Variants in FNBP1 observed in about 807,000 individuals in gnomAD.
FNBP1 encodes formin binding protein 1, also known as formin-binding protein 1.
FNBP1 carries 26 observed loss-of-function variants against 90.6 expected under a neutral mutation model. The observed-to-expected ratio is 0.29, with a 90% CI of 0.21 to 0.40. The LOEUF (loss-of-function observed/expected upper bound fraction) is 0.40, where lower values mean the gene tolerates loss of function less well. FNBP1 is among the 10% of genes least tolerant of loss of function. The pLI is 1.00. For missense variants in FNBP1, 635 were observed against 768.0 expected, an observed-to-expected ratio of 0.83 and a Z score of 2.05; for synonymous variants, 260 against 265.2, an observed-to-expected ratio of 0.98 and a Z score of 0.19.
chr9:129,939,203 A>G (rs1056553175), intron 6 of FNBP1, among the ~76,000 whole-genome samples: 1 of 152,068 alleles, frequency 6.6e-6, no homozygotes, highest in Admixed American at 6.6e-5. Context: ...AGCCTGACCA[A>G]TATGATGAAA....
intron 10 of FNBP1, chr9:129,919,079 G>C (rs2040707524): frequency 4.2e-6 from 2 of 472,860 alleles, no homozygotes; most frequent in African/African-American, 4.0e-5. Flanking sequence ...AAGTGCCTCT[G>C]GGTCCCCAGT....
At chr9:129,935,645 G>A (rs754611205) in intron 6 of FNBP1, among the ~76,000 whole-genome samples, 7 of 152,118 alleles carry the variant, frequency 4.6e-5, no homozygotes, top group Non-Finnish European at 1.0e-4. Context: ...CTACCACCAT[G>A]CCCAGCTAAT....
rs544636539 is a variant in FNBP1, at chr9:129,895,896, A to T, written c.1788T>A (p.Asp596Glu). The change falls in exon 16 of 17, where the codon GAT becomes GAA. Residue 596 changes from aspartate (D) to glutamate (E), a missense_variant. Transcript: ENST00000446176. ...DGWTRIRRNE[D>E]EEGYVPTSYV... ...ATGAAGTGGGGACATAACCCTCTTC[A>T]TCTTCATTTCTCCGAATGCGGGTCC... 3.1e-5 allele frequency: 50 copies of T among 1,613,704 alleles called. No individual in the cohort carries two copies. The African/African-American group carries it at 5.5e-4, about 18-fold the overall frequency.
At chr9:129,947,567 C>A (rs2045515819) in intron 6 of FNBP1, among the ~76,000 whole-genome samples, 1 of 151,840 alleles carries the variant, frequency 6.6e-6, no homozygotes, top group African/African-American at 2.4e-5. Flanking sequence ...GAACAACGGG[C>A]AAGGGAATGA....
chr9:129,935,040 C>A (rs575167297), intron 6 of FNBP1, among the ~76,000 whole-genome samples: 1 of 151,366 alleles, frequency 6.6e-6, no homozygotes, highest in East Asian at 1.9e-4. Flanking sequence ...GGTTTAAAGA[C>A]AAAAATACCG....
At chr9:129,986,905 A>T (rs2052368245) in intron 2 of FNBP1, among the ~76,000 whole-genome samples, 1 of 152,112 alleles carries the variant, frequency 6.6e-6, no homozygotes, top group Non-Finnish European at 1.5e-5. Flanking sequence ...ACATTCAGAC[A>T]TAATCAAAGA....
Position 129,957,419 on chromosome 9 carries a change from G to T in FNBP1, c.454C>A (p.Gln152Lys), listed in dbSNP as rs2047120890. Reference protein sequence around the residue: ...ERDCKEADRAQQYFEKMDADI... With the variant: ...ERDCKEADRAKQYFEKMDADI... ...GCGTCCATTTTCTCAAAGTACTGCTGCGCCCTGTCCGCCTCTTTGCAATCG... is the reference window on the plus strand; with the variant it reads ...GCGTCCATTTTCTCAAAGTACTGCTTCGCCCTGTCCGCCTCTTTGCAATCG... The change falls in exon 6 of 17, where the codon CAG (glutamine) becomes AAG (lysine). Residue 152 changes from glutamine (Q) to lysine (K), a missense_variant. Physicochemically the swap from Gln to Lys is moderately conservative, Grantham distance 53. Coordinates refer to ENST00000446176, the MANE Select transcript of FNBP1 (RefSeq NM_015033.3). The surrounding 1 kb of genome is among the most constrained non-coding windows in gnomAD (Gnocchi z 4.3). The T allele has an allele frequency of 6.2e-7, 1 of 1,613,702 alleles. No individual in the cohort carries two copies.
chr9:129,970,183 G>A (rs2049232931), intron 4 of FNBP1, among the ~76,000 whole-genome samples: 1 of 151,354 alleles, frequency 6.6e-6, no homozygotes, highest in African/African-American at 2.4e-5. Context: ...AGGATTACAG[G>A]CGTGAGCCAC....
chr9:130,026,965 CAAAAAA>C (rs765168982), intron 1 of FNBP1, among the ~76,000 whole-genome samples: 4 of 76,098 alleles, frequency 5.3e-5, no homozygotes, highest in Non-Finnish European at 8.1e-5. Flanking sequence ...GACCCTGTCT[CAAAAAA>C]AAAAAAAAAA....
At chr9:129,929,833 T>C (rs544763121) in intron 6 of FNBP1, 138 bp from the exon 7 acceptor site, 7 of 736,408 alleles carry the variant, frequency 9.5e-6, no homozygotes, top group Admixed American at 2.9e-5. Flanking sequence ...GGGTGCTTTT[T>C]AATGTTCTGA....
At chr9:130,046,456 G>C (rs1054054030), upstream of FNBP1, among the ~76,000 whole-genome samples, 1 of 151,842 alleles carries the variant, frequency 6.6e-6, no homozygotes, top group Non-Finnish European at 1.5e-5. Flanking sequence ...AGAGTTGGCC[G>C]GACGTGGTGG....
At chr9:130,005,365 G>A (rs1265772258) in intron 1 of FNBP1, among the ~76,000 whole-genome samples, 39 of 146,096 alleles carry the variant, frequency 2.7e-4, no homozygotes, top group Middle Eastern at 7.5e-3. Flanking sequence ...TTTTTGAGAC[G>A]GAGTCTCGCT....
intron 11 of FNBP1, among the ~76,000 whole-genome samples, chr9:129,915,191 T>G (rs1279905546): frequency 6.6e-6 from 1 of 151,970 alleles, no homozygotes; most frequent in Non-Finnish European, 1.5e-5. Flanking sequence ...TTCCCACAGG[T>G]GGCCTCAAAC....
At chr9:130,012,743 G>A (rs566871389) in intron 1 of FNBP1, among the ~76,000 whole-genome samples, 12 of 152,200 alleles carry the variant, frequency 7.9e-5, no homozygotes, top group South Asian at 6.2e-4. Context: ...GGGTTCAAGC[G>A]ATTCTCCTAC....
chr9:130,037,476 T>A (rs543414953), intron 1 of FNBP1, among the ~76,000 whole-genome samples: 12 of 152,318 alleles, frequency 7.9e-5, no homozygotes, highest in African/African-American at 2.9e-4. Flanking sequence ...GAACTGTTAA[T>A]AATTTGTTAC....
At chr9:130,038,905 G>C (rs2059587439) in intron 1 of FNBP1, among the ~76,000 whole-genome samples, 3 of 152,018 alleles carry the variant, frequency 2.0e-5, no homozygotes, top group Admixed American at 2.0e-4. Flanking sequence ...TTTTCCAATG[G>C]ATTTATTCAT....
intron 1 of FNBP1, among the ~76,000 whole-genome samples, chr9:129,997,722 G>A (rs2054211764): frequency 6.6e-6 from 1 of 152,118 alleles, no homozygotes; most frequent in Admixed American, 6.5e-5. Flanking sequence ...TGGCACACAT[G>A]CCTGTAGCCC....
At chr9:129,979,766 A>G (rs760497266) in intron 2 of FNBP1, among the ~76,000 whole-genome samples, 2 of 152,018 alleles carry the variant, frequency 1.3e-5, no homozygotes, top group Non-Finnish European at 2.9e-5. Flanking sequence ...CAGCCTCCCA[A>G]GTAGCTGGGA....
intron 16 of FNBP1, among the ~76,000 whole-genome samples, chr9:129,893,733 G>A (rs1261883609): frequency 6.7e-6 from 1 of 149,320 alleles, no homozygotes; most frequent in African/African-American, 2.5e-5. Context: ...TGGCTAACAC[G>A]GTGAAACCCT....
Sources: allele counts gnomAD v4.1 joint callset (sites outside exome capture counted in the v4.1 genomes callset), GRCh38; gene constraint gnomAD v4.1.1; non-coding constraint Gnocchi (gnomAD v3.1); transcripts MANE v1.5; gene names NCBI Gene and HGNC (gene_info 2026-07-23, HGNC 2026-07-21).